The following RTTN variants were observed in gnomAD, a reference collection of about 807,000 sequenced individuals.
RTTN encodes the protein rotatin.
A neutral mutation model predicts 269.2 loss-of-function variants in RTTN; 182 were observed. That is an observed-to-expected ratio of 0.68 (90% CI 0.60 to 0.76). The LOEUF (loss-of-function observed/expected upper bound fraction) is 0.76. RTTN is among the 30% of genes least tolerant of loss of function. RTTN has a pLI of 0.00. For synonymous variants in RTTN, 1,006 were observed against 963.5 expected (o/e 1.04, Z -0.82); for missense variants, 2,545 against 2,608.6 (o/e 0.98, Z 0.53).
At position 70,076,067 on chromosome 18, in the gene RTTN, A is replaced by T. The variant is rs74607349; in HGVS notation, c.4375-526T>A. ...CCTGACAAGGAAAAAAAACACACACATGTATACATACACACACATGAACTG... is the reference window on the plus strand; with the variant it reads ...CCTGACAAGGAAAAAAAACACACACTTGTATACATACACACACATGAACTG... On this transcript the variant is annotated intron_variant, in intron 32 of 48. Coordinates refer to ENST00000640769, the MANE Select transcript of RTTN (RefSeq NM_173630.4). 3.1e-3 allele frequency among the ~76,000 whole-genome samples: 471 copies of T among 152,106 alleles called. 11 individuals are homozygous for T. The highest frequency in any genetic ancestry group is 0.028 in the Admixed American group (429 of 15,252).
chr18:70,034,621 T>C (rs1473320682), intron 40 of RTTN, among the ~76,000 whole-genome samples: 1 of 152,178 alleles, frequency 6.6e-6, no homozygotes, highest in African/African-American at 2.4e-5. Flanking sequence ...AGCAATCCCC[T>C]TGAAAACTGG....
intron 11 of RTTN, among the ~76,000 whole-genome samples, chr18:70,175,581 G>A (rs899659438): frequency 6.6e-6 from 1 of 151,116 alleles, no homozygotes; most frequent in Non-Finnish European, 1.5e-5. Context: ...AAGCAATTAA[G>A]TTGCTGACAG....
At chr18:70,090,112 T>C (rs959170774) in intron 30 of RTTN, among the ~76,000 whole-genome samples, 1 of 152,128 alleles carries the variant, frequency 6.6e-6, no homozygotes, top group African/African-American at 2.4e-5. Context: ...AGCAAAGACA[T>C]TGCCAGTTTG....
rs77842988 is a variant in RTTN, at chr18:70,190,482, C to T, written c.1189+56G>A. 9.8e-4 allele frequency: 1,361 copies of T among 1,382,954 alleles called. 11 individuals are homozygous for T. The African/African-American group carries it at 0.017, about 17-fold the overall frequency. 85.7% of individuals were successfully genotyped at this position (1,382,954 alleles called of 1,614,324 possible). A position where few individuals can be genotyped will look rare whatever the true frequency, so the allele number is the denominator to read the frequency against. ...GAAGAGAAAAAAAGGAAAATCCTAA[C>T]GAAATACAAAACAGACACAAATTAT... On this transcript the variant is annotated intron_variant, in intron 9 of 48. Transcript: ENST00000640769.
At chr18:70,044,627 T>C (rs566980515) in intron 40 of RTTN, among the ~76,000 whole-genome samples, 1 of 152,288 alleles carries the variant, frequency 6.6e-6, no homozygotes, top group East Asian at 1.9e-4. Context: ...AATAACAGAA[T>C]AGTATAATAA....
chr18:70,026,798 A>T (rs2056866538), intron 43 of RTTN, among the ~76,000 whole-genome samples: 1 of 150,490 alleles, frequency 6.6e-6, no homozygotes, highest in African/African-American at 2.5e-5. Context: ...TGAGGACCAC[A>T]AACACCATCT....
Position 70,057,851 on chromosome 18 carries a change from G to T in RTTN, c.4941-19C>A. 1 of 1,571,442 alleles carries T rather than the reference G, an allele frequency of 6.4e-7. No homozygotes were observed. Reference sequence around the variant, plus strand: ...TGCAATGCTGTGACGATCAGAAAAAGAAAATCCTTCAGAAGATTAGTATAC... The same window carrying T: ...TGCAATGCTGTGACGATCAGAAAAATAAAATCCTTCAGAAGATTAGTATAC... On this transcript the variant is annotated intron_variant, in intron 36 of 48. Coordinates refer to ENST00000640769, the MANE Select transcript of RTTN (RefSeq NM_173630.4).
At chr18:70,105,456 G>A (rs9955422) in intron 28 of RTTN, among the ~76,000 whole-genome samples, 2,107 of 152,266 alleles carry the variant, frequency 0.014, 44 homozygotes, top group African/African-American at 0.047. Context: ...TGGGTGAGGC[G>A]ATGCCCCGCC....
intron 28 of RTTN, among the ~76,000 whole-genome samples, chr18:70,098,813 G>A (rs2059074663): frequency 6.6e-6 from 1 of 151,972 alleles, no homozygotes; most frequent in Admixed American, 6.6e-5. Flanking sequence ...CCCATGACAG[G>A]CCCTGGTGTG....
At chr18:70,076,015 T>A (rs746056785) in intron 32 of RTTN, among the ~76,000 whole-genome samples, 3 of 152,026 alleles carry the variant, frequency 2.0e-5, no homozygotes, top group Non-Finnish European at 4.4e-5. Context: ...TGGCAAAATC[T>A]GTCACATTAC....
chr18:70,020,779 G>A lies in RTTN; in HGVS notation c.5989C>T (p.Pro1997Ser), dbSNP rs1389577644. The stretch of plus-strand genomic sequence containing the variant: ...GCTCCTCTATGTGTAGCTTGAACAG[G>A]GTGTTGTCCACAACTTGACCAACAA... ...SLCWSSCGQH[P>S]VQATHRGAVS... Residue 1997 changes from proline to serine, a missense_variant, in exon 45 of 49, where the codon CCT becomes TCT. By Grantham distance (74) the Pro-to-Ser change is moderately conservative (BLOSUM62 -1). Coordinates refer to ENST00000640769, the MANE Select transcript of RTTN (RefSeq NM_173630.4). 2 of 1,613,662 alleles carry A rather than the reference G, an allele frequency of 1.2e-6. No homozygotes were observed. The highest frequency in any genetic ancestry group is 1.7e-6 in the Non-Finnish European group (2 of 1,179,724).
In RTTN at chr18:70,086,628, C is replaced by T. The variant is rs1421091696; in HGVS notation, c.4359G>A (p.Lys1453=). ...LVIPMPTEII[K]DYTWQGPCVH... ...AATCACCCACCTGCCAAGTATAATC[C>T]TTTATAATTTCTGTAGGCATTGGAA... is the stretch of plus-strand genomic sequence containing the variant. Residue 1453 remains lysine (K), a synonymous_variant, in exon 32 of 49, where the codon AAG becomes AAA. Transcript: ENST00000640769. The T allele has an allele frequency of 6.3e-7, 1 of 1,581,462 alleles. No individual in the cohort carries two copies. Among genetic ancestry groups the T allele is most frequent in the African/African-American group, 1.4e-5 (1 of 69,200 alleles).
rs1233784527 is a variant in RTTN, at chr18:70,075,553, G to A, written c.4375-12C>T. The A allele has an allele frequency of 6.5e-7, 1 of 1,548,032 alleles. No individual in the cohort carries two copies. The highest frequency in any genetic ancestry group is 1.4e-5 in the African/African-American group (1 of 70,928). ...TGAACACAGGGACCCTGTAGGAAGA[G>A]AGGGAAAGAAGGAGGAGACACTGAT... On this transcript the variant is annotated splice_polypyrimidine_tract_variant and intron_variant, in intron 32 of 48. Coordinates refer to ENST00000640769, the MANE Select transcript of RTTN (RefSeq NM_173630.4).
chr18:70,150,159 C>T, intron 15 of RTTN, 72 bp from the exon 16 acceptor site: 13 of 820,870 alleles, frequency 1.6e-5, no homozygotes, highest in Non-Finnish European at 2.5e-5. Context: ...ACACCTGGAA[C>T]ATTTTATAGC....
chr18:70,014,913 TCTTA>T (rs1276974280), intron 46 of RTTN, among the ~76,000 whole-genome samples: 1 of 152,170 alleles, frequency 6.6e-6, no homozygotes, highest in African/African-American at 2.4e-5. Context: ...TCTATATACT[TCTTA>T]CTTGTCTGGG....
At chr18:70,191,030 A>G (rs2061658146) in intron 8 of RTTN, among the ~76,000 whole-genome samples, 1 of 152,004 alleles carries the variant, frequency 6.6e-6, no homozygotes, top group East Asian at 1.9e-4. Flanking sequence ...TCTACTAAAA[A>G]TACAAAAAAA....
chr18:70,109,545 T>C lies in RTTN; in HGVS notation c.3856A>G (p.Thr1286Ala), dbSNP rs2059406767. 1.9e-6 allele frequency: 3 copies of C among 1,614,028 alleles called. No homozygotes were observed. Among genetic ancestry groups the C allele is most frequent in the African/African-American group, 2.7e-5 (2 of 74,908 alleles). Residue 1286 changes from threonine to alanine, a missense_variant, in exon 28 of 49, where the codon ACA becomes GCA. Coordinates refer to ENST00000640769, the MANE Select transcript of RTTN (RefSeq NM_173630.4). ...FPGWSSHSPL[T>A]KPLDICVKYL... ...TTCACACAGATATCTAGAGGCTTTG[T>C]GAGAGGAGAGTGTGAGCTCCATCCC...
intron 18 of RTTN, among the ~76,000 whole-genome samples, chr18:70,144,160 T>C (rs895311914): frequency 6.6e-6 from 1 of 152,178 alleles, no homozygotes; most frequent in African/African-American, 2.4e-5. Flanking sequence ...CTCTTCTTAA[T>C]ATACATTTTT....
At chr18:70,157,475 C>T (rs2145844334) in intron 14 of RTTN, among the ~76,000 whole-genome samples, 1 of 152,306 alleles carries the variant, frequency 6.6e-6, no homozygotes, top group East Asian at 1.9e-4. Flanking sequence ...ATCCAAAGTA[C>T]AGCAACTTCA....
Sources: gnomAD v4.1 joint callset for allele counts (sites outside exome capture counted in the v4.1 genomes callset) on GRCh38, gnomAD v4.1.1 for gene constraint, MANE v1.5 for transcripts, NCBI Gene and HGNC (gene_info 2026-07-23, HGNC 2026-07-21) for gene names.